UMAD1: variants seen among roughly 807,000 people sequenced by gnomAD.
UMAD1 encodes the protein UBAP1-MVB12-associated (UMA)-domain containing protein 1.
UMAD1 carries 8 observed loss-of-function variants against 6.1 expected under a neutral mutation model. That is an observed-to-expected ratio of 1.30 (90% CI 0.76 to 2.35). UMAD1 has a LOEUF of 2.35. UMAD1 is among the 30% of genes most tolerant of loss of function. The pLI is 0.00. For synonymous variants in UMAD1, 56 were observed against 31.4 expected (o/e 1.78, Z -2.61); for missense variants, 130 against 78.4 (o/e 1.66, Z -2.49).
At chr7:7,751,693 T>G (rs1001494619) in intron 2 of UMAD1, among the ~76,000 whole-genome samples, 7 of 152,142 alleles carry the variant, frequency 4.6e-5, no homozygotes, top group African/African-American at 1.7e-4. Context: ...TTACCTGTAA[T>G]CAGAGGCAAA....
intron 2 of UMAD1, among the ~76,000 whole-genome samples, chr7:7,723,269 G>A (rs1032143739): frequency 1.3e-5 from 2 of 152,202 alleles, no homozygotes; most frequent in African/African-American, 4.8e-5. Flanking sequence ...GATATTAAGG[G>A]TGTGGGATAA....
In UMAD1 at chr7:7,845,943, C is replaced by T. The variant is rs368286417; in HGVS notation, c.157-31338C>T. 1.3e-5 allele frequency among the ~76,000 whole-genome samples: 2 copies of T among 152,082 alleles called. 1 individual carries two copies. The highest frequency in any genetic ancestry group is 4.1e-4 in the South Asian group (2 of 4,820). Reference sequence around the variant, plus strand: ...GTATTTCCTTGGTAAATTGTTAATACTAGGCAACTATTTATTTTCTCTTGC... The same window carrying T: ...GTATTTCCTTGGTAAATTGTTAATATTAGGCAACTATTTATTTTCTCTTGC... On this transcript the variant is annotated intron_variant, in intron 3 of 3. Transcript: ENST00000682710.
At chr7:7,800,767 A>C (rs933357159) in intron 2 of UMAD1, among the ~76,000 whole-genome samples, 4 of 152,242 alleles carry the variant, frequency 2.6e-5, no homozygotes, top group Non-Finnish European at 5.9e-5. Context: ...CTTTATCTCC[A>C]GTCAAGACTC....
At chr7:7,709,992 G>T (rs190153713) in intron 2 of UMAD1, among the ~76,000 whole-genome samples, 197 of 152,146 alleles carry the variant, frequency 1.3e-3, no homozygotes, top group African/African-American at 4.5e-3. Flanking sequence ...TTTCATATGT[G>T]TAGTTTTGTA....
intron 2 of UMAD1, among the ~76,000 whole-genome samples, chr7:7,741,614 T>TAAA (rs1283992407): frequency 8.2e-5 from 12 of 147,104 alleles, no homozygotes; most frequent in Admixed American, 6.8e-4. Flanking sequence ...ATAATAATAA[T>TAAA]AAAAATAATA....
At chr7:7,854,842 T>TA (rs1783985113) in intron 3 of UMAD1, among the ~76,000 whole-genome samples, 1 of 152,206 alleles carries the variant, frequency 6.6e-6, no homozygotes. Flanking sequence ...CCCTTCTGCC[T>TA]ATGAGCCTGT....
chr7:7,672,143 G>A (rs1415625484), intron 1 of UMAD1, among the ~76,000 whole-genome samples: 1 of 152,136 alleles, frequency 6.6e-6, no homozygotes, highest in Non-Finnish European at 1.5e-5. Context: ...TGCTATGGGT[G>A]AAATATATGA....
intron 2 of UMAD1, among the ~76,000 whole-genome samples, chr7:7,718,878 G>A (rs1403399346): frequency 6.7e-6 from 1 of 149,410 alleles, no homozygotes; most frequent in Non-Finnish European, 1.5e-5. Context: ...GGTACAGGGT[G>A]AAGTGGGGGA....
chr7:7,796,980 G>A (rs1418751934), intron 2 of UMAD1, among the ~76,000 whole-genome samples: 1 of 152,148 alleles, frequency 6.6e-6, no homozygotes, highest in South Asian at 2.1e-4. Context: ...GTGTCTCAGT[G>A]TATTAGTCTG....
At chr7:7,674,968 T>C (rs1447774965) in intron 2 of UMAD1, among the ~76,000 whole-genome samples, 1 of 152,100 alleles carries the variant, frequency 6.6e-6, no homozygotes, top group Non-Finnish European at 1.5e-5. Context: ...TTAACACATA[T>C]ACAGGGAACT....
At chr7:7,811,895 T>TACTC (rs113611322) in intron 3 of UMAD1, among the ~76,000 whole-genome samples, 138,882 of 151,946 alleles carry the variant, frequency 0.91, 63,581 homozygotes, top group Middle Eastern at 0.97. Context: ...CAATTAAAAA[T>TACTC]ACGTTGTTAT....
At chr7:7,789,317 A>C (rs1489757381) in intron 2 of UMAD1, among the ~76,000 whole-genome samples, 1 of 152,208 alleles carries the variant, frequency 6.6e-6, no homozygotes, top group Non-Finnish European at 1.5e-5. Context: ...TTTCCCTTTA[A>C]ATACCTATTT....
intron 3 of UMAD1, among the ~76,000 whole-genome samples, chr7:7,860,853 G>T (rs74428974): frequency 3.4e-4 from 52 of 151,832 alleles, no homozygotes; most frequent in African/African-American, 1.1e-3. Flanking sequence ...ACAACCAAAT[G>T]TCCATTAGTA....
chr7:7,651,136 ATC>A (rs1785214782), intron 1 of UMAD1, among the ~76,000 whole-genome samples: 1 of 152,238 alleles, frequency 6.6e-6, no homozygotes, highest in Admixed American at 6.5e-5. Flanking sequence ...TGTACAGTCC[ATC>A]TAAAAAAGTT....
chr7:7,875,351 G>T (rs943030478), intron 3 of UMAD1, among the ~76,000 whole-genome samples: 4 of 152,168 alleles, frequency 2.6e-5, no homozygotes, highest in African/African-American at 7.2e-5. Flanking sequence ...GAGCAGAAGC[G>T]AAGGAGATAG....
intron 1 of UMAD1, among the ~76,000 whole-genome samples, chr7:7,665,824 CT>C (rs1331154292): frequency 0.024 from 3,467 of 142,878 alleles, 124 homozygotes; most frequent in African/African-American, 0.08. Flanking sequence ...TTTCCATCAG[CT>C]TTTTTTTTTT....
intron 2 of UMAD1, among the ~76,000 whole-genome samples, chr7:7,680,244 T>G (rs1779875581): frequency 6.6e-6 from 1 of 152,166 alleles, no homozygotes; most frequent in Non-Finnish European, 1.5e-5. Context: ...GGGTCTAGTT[T>G]TATTCTTCTG....
chr7:7,834,016 C>CT (rs4034895), intron 3 of UMAD1, among the ~76,000 whole-genome samples: 2,682 of 110,002 alleles, frequency 0.024, 82 homozygotes, highest in African/African-American at 0.044. Context: ...TTTTTCTTTT[C>CT]TTTTTTTTTT....
At chr7:7,744,380 C>T (rs1781529058) in intron 2 of UMAD1, among the ~76,000 whole-genome samples, 1 of 152,092 alleles carries the variant, frequency 6.6e-6, no homozygotes, top group Non-Finnish European at 1.5e-5. Context: ...CTGCTGTGAA[C>T]ATTTGTGTAC....
Sources: gnomAD v4.1 joint callset for allele counts (sites outside exome capture counted in the v4.1 genomes callset) on GRCh38, gnomAD v4.1.1 for gene constraint, MANE v1.5 for transcripts, NCBI Gene and HGNC (gene_info 2026-07-23, HGNC 2026-07-21) for gene names.